SRGAP2C: variants seen among roughly 807,000 people sequenced by gnomAD.
SRGAP2C encodes the protein SLIT-ROBO Rho GTPase activating protein 2C.
Under a neutral mutation model 25.1 loss-of-function variants are expected in SRGAP2C, and 15 were observed. The ratio of observed to expected loss-of-function variants is 0.60; its 90% confidence interval spans 0.40 to 0.92. The LOEUF is 0.92. SRGAP2C is among the 40% of genes least tolerant of loss of function. The pLI, the probability that SRGAP2C is intolerant of heterozygous loss-of-function variation, is 0.00. For synonymous variants in SRGAP2C, 44 were observed against 96.6 expected (o/e 0.46, Z 3.19); for missense variants, 144 against 264.4 (o/e 0.54, Z 3.16).
intron 2 of SRGAP2C, among the ~76,000 whole-genome samples, chr1:121,202,209 C>T (rs1655001031): frequency 1.3e-5 from 2 of 152,054 alleles, no homozygotes; most frequent in South Asian, 4.1e-4. Flanking sequence ...TGGCCACACC[C>T]TCTATACAGA....
intron 4 of SRGAP2C, among the ~76,000 whole-genome samples, chr1:121,351,420 T>C: frequency 6.6e-6 from 1 of 151,316 alleles, no homozygotes; most frequent in East Asian, 2.0e-4. Flanking sequence ...CCATCCTGGC[T>C]AACATGGTGA....
chr1:121,323,615 CAAAAAAAAAAAAA>C (rs1163708332), intron 3 of SRGAP2C, among the ~76,000 whole-genome samples: 10 of 28,156 alleles, frequency 3.6e-4, no homozygotes, highest in Admixed American at 7.5e-4. Flanking sequence ...GACTTTGTCT[CAAAAAAAAAAAAA>C]AAAAAAAAAA....
intron 3 of SRGAP2C, among the ~76,000 whole-genome samples, chr1:121,308,435 T>G (rs1446759887): frequency 6.6e-6 from 1 of 151,634 alleles, no homozygotes; most frequent in South Asian, 2.1e-4. Context: ...GAAGATTCAC[T>G]GAGTTTGGGA....
chr1:121,334,590 C>G (rs1553342293), intron 4 of SRGAP2C, among the ~76,000 whole-genome samples: 1 of 113,900 alleles, frequency 8.8e-6, no homozygotes, highest in African/African-American at 3.3e-5. Context: ...GTCTTGGCCT[C>G]CCAAAGTGGT....
chr1:121,208,813 G>T (rs1307606294), intron 2 of SRGAP2C, among the ~76,000 whole-genome samples: 4 of 152,278 alleles, frequency 2.6e-5, no homozygotes, highest in South Asian at 2.1e-4. Context: ...ATTTTTATTC[G>T]GTTAGAGAGA....
At chr1:121,314,965 G>A (rs1215454136) in intron 3 of SRGAP2C, 6 of 1,001,902 alleles carry the variant, frequency 6.0e-6, no homozygotes, top group South Asian at 5.2e-5. Flanking sequence ...AGGGCTTGAA[G>A]CAGACAATCC....
At chr1:121,260,302 G>A (rs1191684270) in intron 2 of SRGAP2C, among the ~76,000 whole-genome samples, 6 of 151,842 alleles carry the variant, frequency 4.0e-5, no homozygotes, top group Non-Finnish European at 8.8e-5. Context: ...TTCAGGCAGA[G>A]GAAACAGCCA....
chr1:121,329,756 AT>A (rs1266514270), intron 4 of SRGAP2C, among the ~76,000 whole-genome samples: 1 of 151,666 alleles, frequency 6.6e-6, no homozygotes, highest in African/African-American at 2.4e-5. Context: ...CATATTTTAC[AT>A]TTTGCATGAA....
In SRGAP2C at chr1:121,264,726, A is replaced by G. The variant is rs868926241; in HGVS notation, c.68-20077A>G. On this transcript the variant is annotated intron_variant, in intron 2 of 9. Transcript: ENST00000367123. ...TAGACCAATTTCTGTATACTCCTAC[A>G]GCATCGTCTTTTTCCCCGATAATGG... Among the ~76,000 whole-genome samples the G allele has an allele frequency of 3.1e-4, 46 of 150,710 alleles. 1 individual carries two copies. The Middle Eastern group carries it at 0.014, about 45-fold the overall frequency.
intron 3 of SRGAP2C, among the ~76,000 whole-genome samples, chr1:121,308,106 G>A (rs1236350151): frequency 6.8e-6 from 1 of 146,612 alleles, no homozygotes; most frequent in Non-Finnish European, 1.5e-5. Flanking sequence ...TCTGAGCATT[G>A]TCCATTAACT....
intron 2 of SRGAP2C, among the ~76,000 whole-genome samples, chr1:121,202,473 G>T: frequency 6.9e-6 from 1 of 145,774 alleles, no homozygotes; most frequent in South Asian, 2.1e-4. Context: ...CTGTCACTCA[G>T]GCTGGAGTGC....
At chr1:121,370,573 C>G (rs1464117882) in intron 5 of SRGAP2C, among the ~76,000 whole-genome samples, 22 of 148,494 alleles carry the variant, frequency 1.5e-4, no homozygotes, top group Non-Finnish European at 2.2e-4. Context: ...TCCCGAGTAG[C>G]TGGGACTACA....
At chr1:121,222,588 C>T (rs1226206255) in intron 2 of SRGAP2C, among the ~76,000 whole-genome samples, 1 of 152,126 alleles carries the variant, frequency 6.6e-6, no homozygotes, top group Non-Finnish European at 1.5e-5. Context: ...AATCATGCCT[C>T]TACACTCTGG....
chr1:121,223,072 G>A (rs1481687137), intron 2 of SRGAP2C, among the ~76,000 whole-genome samples: 1 of 152,188 alleles, frequency 6.6e-6, no homozygotes, highest in East Asian at 1.9e-4. Context: ...TTCCGAAGCA[G>A]TATGGTGCTT....
chr1:121,305,803 C>T (rs1657814946), intron 3 of SRGAP2C, among the ~76,000 whole-genome samples: 1 of 134,024 alleles, frequency 7.5e-6, no homozygotes. Context: ...TCTCAATGGT[C>T]CTTCCTCCCC....
At chr1:121,202,398 G>A (rs1411248822) in intron 2 of SRGAP2C, among the ~76,000 whole-genome samples, 28 of 150,066 alleles carry the variant, frequency 1.9e-4, no homozygotes, top group African/African-American at 3.7e-4. Context: ...TTTCAACCTG[G>A]CAGCCATTTA....
At chr1:121,384,584 G>C (rs1393742395) in intron 8 of SRGAP2C, among the ~76,000 whole-genome samples, 1 of 106,584 alleles carries the variant, frequency 9.4e-6, no homozygotes, top group South Asian at 3.6e-4. Context: ...TTCTCCAGCT[G>C]TCACTGAGGT....
At chr1:121,208,596 A>T (rs1655174256) in intron 2 of SRGAP2C, among the ~76,000 whole-genome samples, 1 of 152,220 alleles carries the variant, frequency 6.6e-6, no homozygotes. Flanking sequence ...GACTGTGCCA[A>T]TACTGTATTC....
chr1:121,211,456 C>T (rs868981135), intron 2 of SRGAP2C, among the ~76,000 whole-genome samples: 1 of 146,032 alleles, frequency 6.8e-6, no homozygotes. Flanking sequence ...CACACACACA[C>T]ACACATCTTA....
Sources: allele counts gnomAD v4.1 joint callset (sites outside exome capture counted in the v4.1 genomes callset), GRCh38; gene constraint gnomAD v4.1.1; transcripts MANE v1.5; gene names NCBI Gene and HGNC (gene_info 2026-07-23, HGNC 2026-07-21).